TRIML2: variants seen among roughly 807,000 people sequenced by gnomAD.
The protein encoded by TRIML2 is tripartite motif family like 2.
A neutral mutation model predicts 31.2 loss-of-function variants in TRIML2; 28 were observed. That is an observed-to-expected ratio of 0.90 (90% confidence interval 0.66 to 1.23). The LOEUF (loss-of-function observed/expected upper bound fraction) is 1.23, where lower values mean the gene tolerates loss of function less well. TRIML2 is among the 50% of genes most tolerant of loss of function. TRIML2 has a pLI of 0.00. For missense variants in TRIML2, 536 were observed against 528.3 expected (o/e 1.01, Z -0.14); for synonymous variants, 187 against 197.5 (o/e 0.95, Z 0.45).
chr4:188,098,469 G>T (rs1733627810), intron 5 of TRIML2, among the ~76,000 whole-genome samples: 2 of 152,190 alleles, frequency 1.3e-5, no homozygotes, highest in Admixed American at 1.3e-4. Flanking sequence ...CGCCTTGGGG[G>T]AGAGGATTTC....
chr4:188,092,234 G>C (rs1334855997), intron 7 of TRIML2, among the ~76,000 whole-genome samples: 1 of 151,956 alleles, frequency 6.6e-6, no homozygotes, highest in African/African-American at 2.4e-5. Context: ...AACGTGGCGC[G>C]GTGGCTCACG....
intron 5 of TRIML2, chr4:188,098,347 C>T (rs1188275881): frequency 2.5e-6 from 1 of 395,210 alleles, no homozygotes; most frequent in Non-Finnish European, 5.1e-6. Flanking sequence ...GCCTCACAAG[C>T]TGAAGGGGTG....
intron 7 of TRIML2, among the ~76,000 whole-genome samples, chr4:188,093,485 C>G (rs532964086): frequency 6.6e-6 from 1 of 151,710 alleles, no homozygotes; most frequent in African/African-American, 2.4e-5. Flanking sequence ...ACCAGCCTGG[C>G]GAAACCCCAT....
At chr4:188,096,859 G>A (rs1221920329) in intron 7 of TRIML2, among the ~76,000 whole-genome samples, 2 of 152,040 alleles carry the variant, frequency 1.3e-5, no homozygotes, top group Non-Finnish European at 2.9e-5. Context: ...ATTTCACCAT[G>A]TTGGTTAGGC....
Position 188,099,103 on chromosome 4 carries a change from G to T in TRIML2, c.553C>A (p.Arg185Ser). 6.2e-7 allele frequency: 1 copy of T among 1,614,040 alleles called. No individual in the cohort carries two copies. The highest frequency in any genetic ancestry group is 8.5e-7 in the Non-Finnish European group (1 of 1,179,978). The change falls in exon 5 of 8, where the codon CGC (arginine) becomes AGC (serine). Residue 185 changes from arginine to serine, a missense_variant. Transcript: ENST00000682553. ...TCCACGATGAGCTTTAGGAGGCTGC[G>T]GACCTGTTCAGAAGCCCTGGCTTCA... ...ESEARASEQVRSLLKLIVELE... is the reference protein window; with the variant it reads ...ESEARASEQVSSLLKLIVELE...
At chr4:188,103,058 G>T in intron 3 of TRIML2, among the ~76,000 whole-genome samples, 1 of 140,988 alleles carries the variant, frequency 7.1e-6, no homozygotes, top group Non-Finnish European at 1.5e-5. Context: ...TGTCGCCCAG[G>T]CTGGAGTGCA....
chr4:188,093,069 C>G (rs1733339407), intron 7 of TRIML2: 2 of 350,640 alleles, frequency 5.7e-6, no homozygotes, highest in Non-Finnish European at 1.1e-5. Context: ...CATAACACAC[C>G]CAAAATGGAA....
intron 7 of TRIML2, among the ~76,000 whole-genome samples, chr4:188,093,648 C>T (rs1579166717): frequency 6.6e-6 from 1 of 151,698 alleles, no homozygotes; most frequent in Non-Finnish European, 1.5e-5. Flanking sequence ...AGCAACAGAG[C>T]GAGGCTCATC....
intron 7 of TRIML2, among the ~76,000 whole-genome samples, chr4:188,093,342 G>C (rs185867817): frequency 2.3e-4 from 35 of 152,220 alleles, no homozygotes; most frequent in African/African-American, 7.7e-4. Context: ...GTATTTCCAG[G>C]AGACTGGCAG....
At chr4:188,098,258 G>A (rs1208309774) in intron 5 of TRIML2, 1 of 455,490 alleles carries the variant, frequency 2.2e-6, no homozygotes, top group Non-Finnish European at 4.4e-6. Context: ...AGTTCTGGAG[G>A]CCGAATTTCA....
chr4:188,106,911 C>T, intron 1 of TRIML2: 1 of 248,854 alleles, frequency 4.0e-6, no homozygotes, highest in Non-Finnish European at 8.5e-6. Context: ...AGAAGGGCCC[C>T]AATGTCCTTC....
chr4:188,095,397 G>T (rs1429584230), intron 7 of TRIML2, among the ~76,000 whole-genome samples: 1 of 152,090 alleles, frequency 6.6e-6, no homozygotes, highest in Admixed American at 6.6e-5. Context: ...ATGCTAAACA[G>T]AACATATAAA....
intron 3 of TRIML2, among the ~76,000 whole-genome samples, chr4:188,101,967 A>G (rs886822042): frequency 2.6e-5 from 4 of 151,478 alleles, no homozygotes; most frequent in South Asian, 4.2e-4. Context: ...CGTCTCTACT[A>G]AAAATACAAA....
chr4:188,106,910 C>A, intron 1 of TRIML2: 1 of 249,744 alleles, frequency 4.0e-6, no homozygotes, highest in East Asian at 1.1e-4. Flanking sequence ...AAGAAGGGCC[C>A]CAATGTCCTT....
In TRIML2 at chr4:188,091,572, A is replaced by G; in HGVS notation, c.1115T>C (p.Val372Ala). The G allele has an allele frequency of 6.2e-7, 1 of 1,613,776 alleles. No homozygotes were observed. Among genetic ancestry groups the G allele is most frequent in the Non-Finnish European group, 8.5e-7 (1 of 1,179,976 alleles). The change falls in exon 8 of 8, where the codon GTT becomes GCT. Residue 372 changes from valine to alanine, a missense_variant. Transcript: ENST00000682553. Reference protein sequence around the residue: ...FLEKKLDTVGVFLDCEHGQIS... With the variant: ...FLEKKLDTVGAFLDCEHGQIS... ...CTGCCCGTGTTCGCAGTCAAGGAAA[A>G]CGCCAACTGTGTCCAACTTCTTTTC...
rs143766591 is a variant in TRIML2 at position 188,098,219 on chromosome 4, C to A, written c.621+816G>T. 549 of 454,690 alleles carry A rather than the reference C, an allele frequency of 1.2e-3. 2 individuals carry two copies. Among genetic ancestry groups the A allele is most frequent in the African/African-American group, 0.01 (514 of 50,092 alleles). The allele number at this position is 454,690 out of a possible 1,614,324, so 28.2% of individuals were successfully genotyped here. ...GCAATACTTACCATAGACTGAGTAG[C>A]TTCTGCACAGCAGAAATTCATTTCT... On this transcript the variant is annotated intron_variant, in intron 5 of 7. Coordinates refer to ENST00000682553, the MANE Select transcript of TRIML2 (RefSeq NM_173553.4).
At chr4:188,092,963 A>G (rs1272325385) in intron 7 of TRIML2, 2 of 447,094 alleles carry the variant, frequency 4.5e-6, no homozygotes, top group Non-Finnish European at 9.0e-6. Context: ...CCCCCAGGTA[A>G]CTGTGCATAG....
intron 4 of TRIML2, 57 bp from the exon 5 acceptor site, chr4:188,099,232 C>G (rs1048724375): frequency 5.9e-6 from 9 of 1,537,440 alleles, no homozygotes; most frequent in African/African-American, 4.2e-5. Flanking sequence ...AACAAGAGTT[C>G]GGTAACTTCT....
At chr4:188,093,411 C>G (rs188736399) in intron 7 of TRIML2, among the ~76,000 whole-genome samples, 21 of 152,234 alleles carry the variant, frequency 1.4e-4, no homozygotes, top group Non-Finnish European at 2.9e-4. Context: ...CGGTGGCTCA[C>G]GCTTGTAATC....
Sources: allele counts gnomAD v4.1 joint callset (sites outside exome capture counted in the v4.1 genomes callset), GRCh38; gene constraint gnomAD v4.1.1; transcripts MANE v1.5; gene names NCBI Gene and HGNC (gene_info 2026-07-23, HGNC 2026-07-21).